SLC25A18: variants seen among roughly 807,000 people sequenced by gnomAD.
SLC25A18 encodes the protein solute carrier family 25 member 18.
In SLC25A18, 24 loss-of-function variants were observed where a neutral mutation model predicts 31.1. The ratio of observed to expected loss-of-function variants is 0.77; its 90% CI spans 0.56 to 1.08. SLC25A18 has a LOEUF of 1.08. Ranked by LOEUF, SLC25A18 falls within the 50% of genes least tolerant of loss-of-function variation. The pLI is 0.00. For missense variants in SLC25A18, 371 were observed against 418.5 expected (o/e 0.89, Z 0.99); for synonymous variants, 173 against 161.9 (o/e 1.07, Z -0.52).
chr22:17,580,431 GC>G, intron 3 of SLC25A18: 1 of 629,092 alleles, frequency 1.6e-6, no homozygotes, highest in African/African-American at 2.0e-5. Flanking sequence ...AGGGTGGGGG[GC>G]CATGTTATCT....
intron 9 of SLC25A18, chr22:17,589,340 G>A (rs912046191): frequency 1.3e-4 from 48 of 365,616 alleles, no homozygotes; most frequent in African/African-American, 8.5e-4. Flanking sequence ...GCCACGCCCG[G>A]CTCATTTTTG....
rs1036878222 is a variant in SLC25A18, at chr22:17,590,373, G to C, written c.*137G>C. The stretch of plus-strand genomic sequence containing the variant: ...TTGTAGTGCTACCTCAATCTCGGGA[G>C]AAACAGCCCTATATTCTAACAAGTT... On this transcript the variant is annotated 3_prime_UTR_variant, in exon 11 of 11. Transcript: ENST00000327451. 21 of 1,005,220 alleles carry C rather than the reference G, an allele frequency of 2.1e-5. No individual in the cohort carries two copies. The African/African-American group carries it at 3.1e-4, about 15-fold the overall frequency. The allele number at this position is 1,005,220 out of a possible 1,614,324, so 62.3% of individuals were successfully genotyped here.
intron 9 of SLC25A18, chr22:17,588,360 G>A: frequency 2.9e-6 from 1 of 344,022 alleles, no homozygotes; most frequent in South Asian, 3.4e-5. Flanking sequence ...TTAAAATTTG[G>A]GGCTGGCTGG....
chr22:17,584,369 GGA>G (rs1207130216), intron 7 of SLC25A18, among the ~76,000 whole-genome samples: 1 of 137,510 alleles, frequency 7.3e-6, no homozygotes, highest in Admixed American at 7.4e-5. Flanking sequence ...CTCCAGCCTG[GGA>G]GACAGAGCAA....
chr22:17,570,073 G>A, intron 2 of SLC25A18, 87 bp downstream of exon 2: 1 of 887,118 alleles, frequency 1.1e-6, no homozygotes, highest in Non-Finnish European at 1.4e-6. Context: ...AAGGGGAAGA[G>A]CAGCCAGTGG....
At chr22:17,582,493 T>TGCA (rs2057407063) in intron 5 of SLC25A18, 70 bp from the exon 6 acceptor site, 1 of 1,369,208 alleles carries the variant, frequency 7.3e-7, no homozygotes, top group African/African-American at 1.4e-5. Flanking sequence ...TGGCTAGGGC[T>TGCA]GAAGGGCAGA....
At chr22:17,567,039 G>A (rs1473415030) in intron 1 of SLC25A18, among the ~76,000 whole-genome samples, 2 of 152,216 alleles carry the variant, frequency 1.3e-5, no homozygotes, top group Non-Finnish European at 2.9e-5. Flanking sequence ...TGGCATGCCT[G>A]TAATCGCAGC....
chr22:17,567,856 A>AT (rs1458740340), intron 1 of SLC25A18, among the ~76,000 whole-genome samples: 2 of 151,392 alleles, frequency 1.3e-5, no homozygotes, highest in Non-Finnish European at 2.9e-5. Context: ...TATAAATTTA[A>AT]TTTTTTTAGT....
At chr22:17,588,924 TGTGGTG>T (rs2057632749) in intron 9 of SLC25A18, 1 of 147,284 alleles carries the variant, frequency 6.8e-6, no homozygotes, top group Non-Finnish European at 1.5e-5. Context: ...ATTAGCTGGG[TGTGGTG>T]GTGCGTGCCT....
At position 17,590,328 on chromosome 22, in the gene SLC25A18, G is replaced by A. The variant is rs2146287748; in HGVS notation, c.*92G>A. ...GGGCAAGGGCAGGTGGGGCCACTCT[G>A]GCCTGCCTGGTCCTCTGCGTTGTAG... On this transcript the variant is annotated 3_prime_UTR_variant, in exon 11 of 11. Transcript: ENST00000327451. 7 of 1,511,612 alleles carry A rather than the reference G, an allele frequency of 4.6e-6. No individual in the cohort carries two copies. In the East Asian group the frequency reaches 1.1e-4, roughly 24 times the overall value. 93.6% of individuals were successfully genotyped at this position (1,511,612 alleles called of 1,614,324 possible). A position where few individuals can be genotyped will look rare whatever the true frequency, so the allele number is the denominator to read the frequency against.
In SLC25A18 at chr22:17,590,450, C is replaced by A; in HGVS notation, c.*214C>A. 1 of 524,756 alleles carries A rather than the reference C, an allele frequency of 1.9e-6. No individual in the cohort carries two copies. Among genetic ancestry groups the A allele is most frequent in the Non-Finnish European group, 3.2e-6 (1 of 308,274 alleles). 32.5% of individuals were successfully genotyped at this position (524,756 alleles called of 1,614,324 possible). A position where few individuals can be genotyped will look rare whatever the true frequency, so the allele number is the denominator to read the frequency against. On this transcript the variant is annotated 3_prime_UTR_variant, in exon 11 of 11. Coordinates refer to ENST00000327451, the MANE Select transcript of SLC25A18 (RefSeq NM_031481.3). The stretch of plus-strand genomic sequence containing the variant: ...CTACACTCGTTTTCCTTTGTGGGCA[C>A]AGCTACCAGGGGCTTTTGGAAGCCC...
chr22:17,589,212 G>C (rs1272021439), intron 9 of SLC25A18: 2 of 156,838 alleles, frequency 1.3e-5, no homozygotes, highest in East Asian at 1.9e-4. Flanking sequence ...ATGGAGTCTT[G>C]CTCTGTTGCC....
At chr22:17,584,517 C>T (rs974427088) in intron 7 of SLC25A18, among the ~76,000 whole-genome samples, 15 of 151,680 alleles carry the variant, frequency 9.9e-5, no homozygotes, top group African/African-American at 2.4e-4. Context: ...TGGTGGCTCA[C>T]GCCTGTAATC....
intron 2 of SLC25A18, among the ~76,000 whole-genome samples, chr22:17,579,068 T>C (rs1229198464): frequency 2.5e-4 from 1 of 4,052 alleles, no homozygotes; most frequent in Non-Finnish European, 4.9e-4. Flanking sequence ...GGGTTTTTTG[T>C]TTGTTTGTTT....
chr22:17,571,677 C>A (rs573050812), intron 2 of SLC25A18, among the ~76,000 whole-genome samples: 43 of 151,074 alleles, frequency 2.8e-4, no homozygotes, highest in Non-Finnish European at 3.7e-4. Flanking sequence ...ACTGTTTGAA[C>A]CCAGAAGGCA....
chr22:17,577,244 G>A (rs938959545), intron 2 of SLC25A18, among the ~76,000 whole-genome samples: 7 of 151,894 alleles, frequency 4.6e-5, no homozygotes, highest in Non-Finnish European at 8.8e-5. Context: ...GGATGGTCTC[G>A]ATCTCCTGGC....
At chr22:17,583,019 G>A (rs1220015605) in intron 6 of SLC25A18, among the ~76,000 whole-genome samples, 2 of 152,080 alleles carry the variant, frequency 1.3e-5, no homozygotes, top group Non-Finnish European at 2.9e-5. Flanking sequence ...AGGTTGCAGT[G>A]AGCCATGTTG....
intron 2 of SLC25A18, among the ~76,000 whole-genome samples, chr22:17,574,234 C>CA (rs1296932992): frequency 0.24 from 36,004 of 152,142 alleles, 5,262 homozygotes; most frequent in South Asian, 0.39. Flanking sequence ...ATCTTGTCCC[C>CA]TGAAAAAAAG....
At chr22:17,572,637 A>ATTTTTTT (rs1274237439) in intron 2 of SLC25A18, among the ~76,000 whole-genome samples, 1 of 108,796 alleles carries the variant, frequency 9.2e-6, no homozygotes, top group African/African-American at 3.7e-5. Flanking sequence ...CTACAAATAA[A>ATTTTTTT]TTTTTTTTTT....
Sources: gnomAD v4.1 joint callset for allele counts (sites outside exome capture counted in the v4.1 genomes callset) on GRCh38, gnomAD v4.1.1 for gene constraint, MANE v1.5 for transcripts, NCBI Gene and HGNC (gene_info 2026-07-23, HGNC 2026-07-21) for gene names.